Variants in ITPR1 observed in about 807,000 individuals in gnomAD.
ITPR1 encodes inositol 1,4,5-trisphosphate receptor type 1, also known as inositol 1,4,5-trisphosphate-gated calcium channel ITPR1.
In ITPR1, 96 loss-of-function variants were observed where a neutral mutation model predicts 318.4. The ratio of observed to expected loss-of-function variants is 0.30; its 90% CI spans 0.26 to 0.36. The LOEUF (loss-of-function observed/expected upper bound fraction) is 0.36. ITPR1 is among the 10% of genes least tolerant of loss of function. ITPR1 has a pLI of 1.00. For missense variants in ITPR1, 2,440 were observed against 3,460.2 expected (o/e 0.71, Z 7.40); for synonymous variants, 1,312 against 1,289.9 (o/e 1.02, Z -0.37).
intron 4 of ITPR1, among the ~76,000 whole-genome samples, chr3:4,566,407 A>G (rs541304706): frequency 1.3e-5 from 2 of 152,270 alleles, no homozygotes; most frequent in South Asian, 2.1e-4. Context: ...AGTCTCTACT[A>G]TGAGCAAACC....
At chr3:4,754,347 T>C (rs574245170) in intron 44 of ITPR1, among the ~76,000 whole-genome samples, 3 of 152,208 alleles carry the variant, frequency 2.0e-5, no homozygotes, top group Admixed American at 6.5e-5. Flanking sequence ...GAGGACTTGA[T>C]GATAGAATTT....
intron 2 of ITPR1, among the ~76,000 whole-genome samples, chr3:4,507,527 A>G (rs541177921): frequency 1.3e-5 from 2 of 152,316 alleles, no homozygotes; most frequent in South Asian, 4.1e-4. Flanking sequence ...ATTGCTTCCT[A>G]AAGTTCCTCC....
chr3:4,662,987 C>G, intron 15 of ITPR1, 78 bp from the exon 16 acceptor site: 1 of 1,372,962 alleles, frequency 7.3e-7, no homozygotes, highest in Non-Finnish European at 1.0e-6. Flanking sequence ...CTCATTCGTC[C>G]AGAAGGCTTC....
At chr3:4,745,255 C>G (rs2044020071) in intron 44 of ITPR1, among the ~76,000 whole-genome samples, 1 of 151,258 alleles carries the variant, frequency 6.6e-6, no homozygotes, top group Non-Finnish European at 1.5e-5. Context: ...GTTTTCTTCC[C>G]TAGAGTCATC....
At chr3:4,759,961 A>T (rs1266557610) in intron 44 of ITPR1, among the ~76,000 whole-genome samples, 1 of 152,148 alleles carries the variant, frequency 6.6e-6, no homozygotes, top group African/African-American at 2.4e-5. Flanking sequence ...TTTTCCTTAA[A>T]GCGTATCTGA....
chr3:4,518,441 ATACT>A (rs1267820164), intron 3 of ITPR1, among the ~76,000 whole-genome samples: 2 of 152,170 alleles, frequency 1.3e-5, no homozygotes, highest in Admixed American at 6.5e-5. Context: ...TGGGTTGCTA[ATACT>A]TTCTTGAGAT....
At chr3:4,706,777 C>A (rs2094767064) in intron 37 of ITPR1, among the ~76,000 whole-genome samples, 1 of 152,158 alleles carries the variant, frequency 6.6e-6, no homozygotes, top group Non-Finnish European at 1.5e-5. Context: ...CAGATGGAAA[C>A]AAAAGTATTC....
chr3:4,827,330 A>G (rs2050146556), intron 60 of ITPR1, among the ~76,000 whole-genome samples: 1 of 152,218 alleles, frequency 6.6e-6, no homozygotes, highest in Non-Finnish European at 1.5e-5. Flanking sequence ...GAGCTGGACT[A>G]TAGTATATGA....
At chr3:4,505,659 CAGA>C (rs1264770902) in intron 2 of ITPR1, among the ~76,000 whole-genome samples, 7 of 152,146 alleles carry the variant, frequency 4.6e-5, no homozygotes, top group Admixed American at 4.6e-4. Context: ...CATTTTTTAG[CAGA>C]AGAATGACTG....
chr3:4,603,304 T>C (rs1332621018), intron 4 of ITPR1, among the ~76,000 whole-genome samples: 1 of 152,184 alleles, frequency 6.6e-6, no homozygotes, highest in African/African-American at 2.4e-5. Context: ...GTATATTGCA[T>C]GATGCTGAGG....
intron 28 of ITPR1, 49 bp from the exon 29 acceptor site, chr3:4,684,232 G>A: frequency 7.9e-7 from 1 of 1,260,014 alleles, no homozygotes; most frequent in African/African-American, 1.5e-5. Context: ...AAAACTGACA[G>A]TAGCCCAAGA....
intron 4 of ITPR1, among the ~76,000 whole-genome samples, chr3:4,567,879 C>G (rs1051280111): frequency 6.6e-6 from 1 of 152,162 alleles, no homozygotes; most frequent in Admixed American, 6.5e-5. Flanking sequence ...GTGGGGGTTA[C>G]AGGTGTGAGC....
intron 52 of ITPR1, among the ~76,000 whole-genome samples, chr3:4,789,862 T>C (rs1052201903): frequency 1.3e-5 from 2 of 152,162 alleles, no homozygotes; most frequent in Admixed American, 1.3e-4. Context: ...TTGTGATCCA[T>C]CCGCCTCAGC....
chr3:4,726,538 G>C (rs778357295), intron 41 of ITPR1, among the ~76,000 whole-genome samples: 15 of 152,144 alleles, frequency 9.9e-5, no homozygotes, highest in Admixed American at 2.0e-4. Context: ...TTTGAAAGAA[G>C]ACTTAAAAAT....
intron 25 of ITPR1, among the ~76,000 whole-genome samples, chr3:4,680,899 T>C (rs759338234): frequency 1.3e-4 from 20 of 152,220 alleles, no homozygotes; most frequent in Non-Finnish European, 2.5e-4. Context: ...TTTCCTTCCA[T>C]CTGGGAGTGT....
chr3:4,672,417 T>C (rs889521113), intron 20 of ITPR1, among the ~76,000 whole-genome samples: 3 of 152,242 alleles, frequency 2.0e-5, no homozygotes, highest in Admixed American at 2.0e-4. Context: ...AAATCATGAT[T>C]ATTAGAAATA....
chr3:4,682,741 C>A (rs577030723), intron 26 of ITPR1, among the ~76,000 whole-genome samples: 149 of 152,274 alleles, frequency 9.8e-4, no homozygotes, highest in African/African-American at 3.3e-3. Context: ...ATTTATAAGT[C>A]TTCTCTGTGC....
At chr3:4,717,190 G>T (rs1338299326) in intron 39 of ITPR1, among the ~76,000 whole-genome samples, 177 bp from the exon 40 acceptor site, 2 of 152,248 alleles carry the variant, frequency 1.3e-5, no homozygotes, top group Non-Finnish European at 2.9e-5. Flanking sequence ...GTCCTGAGCA[G>T]ATGTCACTGT....
intron 36 of ITPR1, 116 bp from the exon 37 acceptor site, chr3:4,706,051 A>G: frequency 2.0e-6 from 2 of 998,626 alleles, no homozygotes; most frequent in Non-Finnish European, 3.0e-6. Context: ...ATACCAGGCA[A>G]GCTGGCCCAT....
Sources: gnomAD v4.1 joint callset for allele counts (sites outside exome capture counted in the v4.1 genomes callset) on GRCh38, gnomAD v4.1.1 for gene constraint, MANE v1.5 for transcripts, NCBI Gene and HGNC (gene_info 2026-07-23, HGNC 2026-07-21) for gene names.